The following TUB variants were observed in gnomAD, a reference collection of about 807,000 sequenced individuals.
The protein encoded by TUB is tubby protein homolog.
In TUB, 33 loss-of-function variants were observed where a neutral mutation model predicts 59.7. The ratio of observed to expected loss-of-function variants is 0.55; its 90% confidence interval spans 0.42 to 0.74. The LOEUF (loss-of-function observed/expected upper bound fraction) is 0.74. TUB is among the 30% of genes least tolerant of loss of function. The pLI is 0.00. For missense variants in TUB, 659 were observed against 672.0 expected, an observed-to-expected ratio of 0.98 and a Z score of 0.21; for synonymous variants, 293 against 256.4, an observed-to-expected ratio of 1.14 and a Z score of -1.36.
intron 2 of TUB, among the ~76,000 whole-genome samples, chr11:8,063,487 G>T (rs370345947): frequency 6.6e-6 from 1 of 152,210 alleles, no homozygotes; most frequent in East Asian, 1.9e-4. Context: ...TTTATTTCCC[G>T]TCTTGCCGGC....
chr11:8,095,686 G>C (rs1368179732), intron 5 of TUB, 21 bp downstream of exon 5: 3 of 1,568,550 alleles, frequency 1.9e-6, no homozygotes, highest in Non-Finnish European at 2.6e-6. Flanking sequence ...TGGGGACCCA[G>C]TGATACCCCC....
intron 2 of TUB, among the ~76,000 whole-genome samples, chr11:8,042,020 T>C (rs963653038): frequency 3.3e-5 from 5 of 152,202 alleles, no homozygotes; most frequent in Non-Finnish European, 7.3e-5. Context: ...GTTGCCTGTT[T>C]ATAGTGTACA....
At chr11:8,083,692 G>T (rs922351539) in intron 1 of TUB, among the ~76,000 whole-genome samples, 2 of 149,978 alleles carry the variant, frequency 1.3e-5, no homozygotes, top group African/African-American at 4.9e-5. Flanking sequence ...GCCTGGCCCC[G>T]AGGAGCGTCT....
At chr11:8,026,781 C>T (rs1398180863) in intron 1 of TUB, among the ~76,000 whole-genome samples, 2 of 152,142 alleles carry the variant, frequency 1.3e-5, no homozygotes, top group African/African-American at 4.8e-5. Flanking sequence ...AGTTCTAACC[C>T]CCATCCCCCC....
chr11:8,103,503 A>C lies in TUB; in HGVS notation c.*1884A>C, dbSNP rs1944393920. On this transcript the variant is annotated 3_prime_UTR_variant, in exon 12 of 12. Coordinates refer to ENST00000299506, the MANE Select transcript of TUB (RefSeq NM_177972.3). Reference sequence around the variant, plus strand: ...ATTTCTTTGTAATCTAGATTTTCCTATGTTGAATGCTTAAAGCAAGGCATA... The same window carrying C: ...ATTTCTTTGTAATCTAGATTTTCCTCTGTTGAATGCTTAAAGCAAGGCATA... 1 of 152,604 alleles carries C rather than the reference A, an allele frequency of 6.6e-6. No homozygotes were observed. Among genetic ancestry groups the C allele is most frequent in the Non-Finnish European group, 1.5e-5 (1 of 68,050 alleles). 9.5% of individuals were successfully genotyped at this position (152,604 alleles called of 1,614,324 possible).
rs540061559 is a variant in TUB at position 8,089,504 on chromosome 11, G to A, written c.39-106G>A. On this transcript the variant is annotated intron_variant, in intron 1 of 11. Coordinates refer to ENST00000299506, the MANE Select transcript of TUB (RefSeq NM_177972.3). ...GTGGGCTCACTGAGTCCCAGCAGCC[G>A]TGATGGGATGGGTTTAACGGGCCCA... is the stretch of plus-strand genomic sequence containing the variant. 5.4e-5 allele frequency: 74 copies of A among 1,360,236 alleles called. 1 individual carries two copies. Among genetic ancestry groups the A allele is most frequent in the Admixed American group, 2.2e-4 (13 of 58,256 alleles). The allele number at this position is 1,360,236 out of a possible 1,614,324, so 84.3% of individuals were successfully genotyped here.
intron 3 of TUB, among the ~76,000 whole-genome samples, chr11:8,092,676 G>A (rs1943817011): frequency 6.6e-6 from 1 of 152,128 alleles, no homozygotes; most frequent in African/African-American, 2.4e-5. Context: ...TTTCTGGGAG[G>A]TGCCTACTGC....
intron 2 of TUB, among the ~76,000 whole-genome samples, chr11:8,042,541 G>A (rs1942769835): frequency 6.6e-6 from 1 of 152,152 alleles, no homozygotes; most frequent in Non-Finnish European, 1.5e-5. Flanking sequence ...TTCCCAAGTG[G>A]TTGCTGCATT....
chr11:8,089,730 G>T (rs993877475), intron 2 of TUB, 69 bp downstream of exon 2: 1 of 1,581,856 alleles, frequency 6.3e-7, no homozygotes. Context: ...GAGGGGCAGG[G>T]CTGTCCATCT....
At chr11:8,089,348 T>C (rs909591316) in intron 1 of TUB, among the ~76,000 whole-genome samples, 2 of 151,594 alleles carry the variant, frequency 1.3e-5, no homozygotes, top group Non-Finnish European at 2.9e-5. Flanking sequence ...GAGGGGAGGG[T>C]CTCATCCGGT....
At position 8,103,434 on chromosome 11, in the gene TUB, A is replaced by G. The variant is rs1944391375; in HGVS notation, c.*1815A>G. 6.6e-6 allele frequency: 1 copy of G among 152,336 alleles called. No homozygotes were observed. The highest frequency in any genetic ancestry group is 1.5e-5 in the Non-Finnish European group (1 of 68,038). 9.4% of individuals were successfully genotyped at this position (152,336 alleles called of 1,614,324 possible). ...GTATTTTAAACGTGTTAGGCTTTAT[A>G]GGTGAAGGACTTGTTTTGACTTAAG... is the stretch of plus-strand genomic sequence containing the variant. On this transcript the variant is annotated 3_prime_UTR_variant, in exon 12 of 12. Coordinates refer to ENST00000299506, the MANE Select transcript of TUB (RefSeq NM_177972.3).
intron 1 of TUB, among the ~76,000 whole-genome samples, chr11:8,083,618 C>G (rs1469690482): frequency 6.6e-6 from 1 of 152,074 alleles, no homozygotes; most frequent in Non-Finnish European, 1.5e-5. Context: ...CCACCGCCAC[C>G]CCTCCAATTC....
chr11:8,080,823 G>A (rs1011514983), upstream of TUB, among the ~76,000 whole-genome samples: 5 of 152,176 alleles, frequency 3.3e-5, no homozygotes, highest in South Asian at 1.0e-3. Flanking sequence ...GCTTCGGCCC[G>A]GAGGTTCCCC....
chr11:8,030,365 G>A (rs1170911886), intron 1 of TUB, among the ~76,000 whole-genome samples: 1 of 152,158 alleles, frequency 6.6e-6, no homozygotes, highest in East Asian at 1.9e-4. Flanking sequence ...GGAAAATCCT[G>A]AGCCTGAGTC....
intron 1 of TUB, among the ~76,000 whole-genome samples, chr11:8,082,164 C>T (rs1943581589): frequency 6.6e-6 from 1 of 152,234 alleles, no homozygotes; most frequent in South Asian, 2.1e-4. Context: ...ACAAGTGCTA[C>T]TCAGTCTCTT....
chr11:8,080,480 G>T (rs1261174739), upstream of TUB, among the ~76,000 whole-genome samples: 1 of 152,178 alleles, frequency 6.6e-6, no homozygotes, highest in Non-Finnish European at 1.5e-5. Flanking sequence ...GGTCAACTGC[G>T]CCCCTTAGGA....
intron 2 of TUB, among the ~76,000 whole-genome samples, chr11:8,066,348 G>A (rs903739102): frequency 1.1e-4 from 17 of 152,312 alleles, no homozygotes; most frequent in African/African-American, 3.6e-4. Flanking sequence ...CCTGGCATGA[G>A]TCAGGAATGA....
chr11:8,105,317 C>CAGTCAG lies in TUB; in HGVS notation c.*3699_*3704dup, dbSNP rs1169408662. On this transcript the variant is annotated 3_prime_UTR_variant, in exon 12 of 12. Transcript: ENST00000299506. ...CTGTGACTGGGACCTGAATGACCTG[C>CAGTCAG]AGTCAGGGCCCAGAGTTGGGACTCT... 6.6e-6 allele frequency: 1 copy of CAGTCAG among 152,196 alleles called. No homozygotes were observed. The highest frequency in any genetic ancestry group is 2.4e-5 in the African/African-American group (1 of 41,438). The allele number at this position is 152,196 out of a possible 1,614,324, so 9.4% of individuals were successfully genotyped here.
At chr11:8,032,129 T>TG (rs1311941871) in intron 1 of TUB, among the ~76,000 whole-genome samples, 1 of 151,614 alleles carries the variant, frequency 6.6e-6, no homozygotes, top group East Asian at 1.9e-4. Context: ...CGGGAGCGCC[T>TG]GGGGAAAGGC....
Sources: gnomAD v4.1 joint callset for allele counts (sites outside exome capture counted in the v4.1 genomes callset) on GRCh38, gnomAD v4.1.1 for gene constraint, MANE v1.5 for transcripts, NCBI Gene and HGNC (gene_info 2026-07-23, HGNC 2026-07-21) for gene names.